RAPGEF2: variants seen among roughly 807,000 people sequenced by gnomAD.
RAPGEF2 encodes the protein PDZ domain containing guanine nucleotide exchange factor (GEF) 1.
A neutral mutation model predicts 186.7 loss-of-function variants in RAPGEF2; 54 were observed. The ratio of observed to expected loss-of-function variants is 0.29; its 90% CI spans 0.23 to 0.36. RAPGEF2 has a LOEUF of 0.36. Among genes scored for constraint, RAPGEF2 ranks in the 10% least tolerant of loss-of-function variants. The pLI, the probability that RAPGEF2 is intolerant of heterozygous loss-of-function variation, is 1.00. For synonymous variants in RAPGEF2, 712 were observed against 705.9 expected (o/e 1.01, Z -0.14); for missense variants, 1,532 against 2,045.0 (o/e 0.75, Z 4.84).
chr4:159,144,555 GTTTA>G (rs1418585795), intron 1 of RAPGEF2, among the ~76,000 whole-genome samples: 4 of 152,248 alleles, frequency 2.6e-5, no homozygotes, highest in Non-Finnish European at 2.9e-5. Flanking sequence ...TCTCAGTTCA[GTTTA>G]TTTATTTTTA....
intron 7 of RAPGEF2, chr4:159,267,297 A>G: frequency 1.6e-6 from 2 of 1,289,390 alleles, no homozygotes; most frequent in Non-Finnish European, 2.0e-6. Flanking sequence ...GCCTGCAGCC[A>G]TGGTCCTCCA....
chr4:159,323,368 TCTGCTAATTCATTTTTAGGGAC>T, intron 10 of RAPGEF2, 69 bp from the exon 11 acceptor site: 3 of 1,056,194 alleles, frequency 2.8e-6, no homozygotes, highest in Non-Finnish European at 2.7e-6. Context: ...AAATGGAAGA[TCTGCTAATTCATTTTTAGGGAC>T]CATACTGGCA....
chr4:159,241,470 A>G (rs1255275846), intron 6 of RAPGEF2, 102 bp downstream of exon 6: 1 of 468,756 alleles, frequency 2.1e-6, no homozygotes, highest in African/African-American at 2.0e-5. Flanking sequence ...CTTTTCAATT[A>G]TATATATATA....
At chr4:159,301,386 AAATT>A (rs1483383863) in intron 7 of RAPGEF2, among the ~76,000 whole-genome samples, 1 of 152,130 alleles carries the variant, frequency 6.6e-6, no homozygotes, top group East Asian at 1.9e-4. Flanking sequence ...CAAAAAGAAA[AAATT>A]AATAATAGTA....
intron 4 of RAPGEF2, among the ~76,000 whole-genome samples, chr4:159,237,712 C>A (rs1436598314): frequency 1.3e-5 from 2 of 151,252 alleles, no homozygotes; most frequent in African/African-American, 4.9e-5. Context: ...AATATGATTA[C>A]CAAAAATTTT....
chr4:159,139,944 T>G (rs1310570624), intron 1 of RAPGEF2, among the ~76,000 whole-genome samples: 1 of 152,172 alleles, frequency 6.6e-6, no homozygotes, highest in East Asian at 1.9e-4. Context: ...GAGATACATT[T>G]TGAAAGGGAA....
At chr4:159,126,876 A>G (rs912348976) in intron 1 of RAPGEF2, among the ~76,000 whole-genome samples, 1 of 152,226 alleles carries the variant, frequency 6.6e-6, no homozygotes, top group African/African-American at 2.4e-5. Flanking sequence ...ATTCATGTGC[A>G]TGGTAATTGT....
intron 1 of RAPGEF2, among the ~76,000 whole-genome samples, chr4:159,147,744 C>T (rs1743097112): frequency 1.3e-5 from 2 of 152,212 alleles, no homozygotes; most frequent in South Asian, 4.1e-4. Flanking sequence ...ATCATCTCCA[C>T]AGAAAGATTC....
At chr4:159,342,853 T>G (rs2111272736) in intron 20 of RAPGEF2, 126 bp from the exon 21 acceptor site, 1 of 893,830 alleles carries the variant, frequency 1.1e-6, no homozygotes, top group Non-Finnish European at 1.7e-6. Context: ...ATGAACAGTT[T>G]CTTATGCAGC....
chr4:159,170,593 C>T (rs151177691), intron 1 of RAPGEF2, among the ~76,000 whole-genome samples: 46 of 152,258 alleles, frequency 3.0e-4, no homozygotes, highest in Middle Eastern at 3.4e-3. Context: ...TCCTCGGGGG[C>T]GGGTTCTGGA....
rs760585502 is a variant in RAPGEF2, at chr4:159,198,312, TTC to T, written c.197+5058_197+5059del. Among the ~76,000 whole-genome samples, 50 of 62,064 alleles carry T rather than the reference TTC, an allele frequency of 8.1e-4. 1 individual carries two copies. Among genetic ancestry groups the T allele is most frequent in the East Asian group, 2.1e-3 (5 of 2,426 alleles). 40.7% of individuals were successfully genotyped at this position (62,064 alleles called of 152,430 possible). ...TTTCTTTCTTTCTTTCTTTCTTTCT[TTC>T]TTTCTTTCTTTCTTTCTTTCTTTTT... On this transcript the variant is annotated intron_variant, in intron 3 of 29. Coordinates refer to ENST00000691494, the MANE Select transcript of RAPGEF2 (RefSeq NM_001394067.2).
At chr4:159,108,387 T>C (rs72697698) in intron 1 of RAPGEF2, among the ~76,000 whole-genome samples, 52,269 of 142,308 alleles carry the variant, frequency 0.37, 8,967 homozygotes, top group African/African-American at 0.43. Context: ...AACTTTCTTT[T>C]TTTTTTTTTT....
chr4:159,260,792 A>C (rs1243120875), intron 7 of RAPGEF2, among the ~76,000 whole-genome samples: 42 of 152,214 alleles, frequency 2.8e-4, no homozygotes, highest in Admixed American at 2.7e-3. Flanking sequence ...CTTGTTGCCC[A>C]GGCTGGAGTG....
intron 1 of RAPGEF2, among the ~76,000 whole-genome samples, chr4:159,145,158 GC>G (rs1467039461): frequency 6.6e-6 from 1 of 151,936 alleles, no homozygotes; most frequent in Non-Finnish European, 1.5e-5. Flanking sequence ...TGGGATTACA[GC>G]CGTGAGCCAC....
intron 7 of RAPGEF2, among the ~76,000 whole-genome samples, chr4:159,250,932 C>A (rs1755266528): frequency 6.6e-6 from 1 of 152,192 alleles, no homozygotes; most frequent in Non-Finnish European, 1.5e-5. Flanking sequence ...GGGAGATGCG[C>A]AGGTGGGAAC....
At chr4:159,247,517 G>A (rs1018176242) in intron 7 of RAPGEF2, among the ~76,000 whole-genome samples, 13 of 152,154 alleles carry the variant, frequency 8.5e-5, no homozygotes, top group Non-Finnish European at 1.8e-4. Context: ...TTTCATGACT[G>A]TAAGGAACAA....
At chr4:159,332,723 G>C (rs1484904614) in intron 17 of RAPGEF2, 26 bp downstream of exon 17, 1 of 1,604,094 alleles carries the variant, frequency 6.2e-7, no homozygotes, top group Non-Finnish European at 8.5e-7. Context: ...TGTCTTCTGT[G>C]CATTATTTTA....
chr4:159,120,669 A>C (rs1360783866), intron 1 of RAPGEF2, among the ~76,000 whole-genome samples: 1 of 152,140 alleles, frequency 6.6e-6, no homozygotes, highest in Non-Finnish European at 1.5e-5. Context: ...ATCATCTTTA[A>C]ATAAGCTATG....
intron 2 of RAPGEF2, among the ~76,000 whole-genome samples, chr4:159,186,934 T>C (rs1405385083): frequency 1.3e-5 from 2 of 152,174 alleles, no homozygotes; most frequent in Admixed American, 6.5e-5. Flanking sequence ...CTTTGTGTTA[T>C]AGCATTTGAA....
Sources: allele counts gnomAD v4.1 joint callset (sites outside exome capture counted in the v4.1 genomes callset), GRCh38; gene constraint gnomAD v4.1.1; transcripts MANE v1.5; gene names NCBI Gene and HGNC (gene_info 2026-07-23, HGNC 2026-07-21).